ZNF462: variants seen among roughly 807,000 people sequenced by gnomAD.
The protein encoded by ZNF462 is zinc finger protein 462, also known as zinc finger PBX1-interacting protein.
A neutral mutation model predicts 201.9 loss-of-function variants in ZNF462; 10 were observed. The observed-to-expected ratio is 0.05, with a 90% CI of 0.03 to 0.08. The LOEUF (loss-of-function observed/expected upper bound fraction) is 0.08, where lower values mean the gene tolerates loss of function less well. Ranked by LOEUF, ZNF462 falls within the 10% of genes least tolerant of loss-of-function variation. The pLI, the probability that ZNF462 is intolerant of heterozygous loss-of-function variation, is 1.00. For synonymous variants in ZNF462, 1,227 were observed against 1,193.3 expected (o/e 1.03, Z -0.58); for missense variants, 2,523 against 3,168.3 (o/e 0.80, Z 4.89).
chr9:107,000,272 G>A (rs1454437592), intron 10 of ZNF462, among the ~76,000 whole-genome samples: 1 of 151,840 alleles, frequency 6.6e-6, no homozygotes, highest in Non-Finnish European at 1.5e-5. Flanking sequence ...CCATGTAAAC[G>A]ACAGTTAAGA....
chr9:106,952,279 T>C (rs975272164), intron 7 of ZNF462, among the ~76,000 whole-genome samples: 2 of 152,210 alleles, frequency 1.3e-5, no homozygotes, highest in African/African-American at 4.8e-5. Flanking sequence ...ATGCCGACTT[T>C]ATGGGGTTAT....
At chr9:106,889,878 A>T (rs536250578) in intron 1 of ZNF462, among the ~76,000 whole-genome samples, 1 of 152,198 alleles carries the variant, frequency 6.6e-6, no homozygotes, top group South Asian at 2.1e-4. Context: ...AACTCCCCCA[A>T]ATAAAGCTAT....
At position 106,926,218 on chromosome 9, in the gene ZNF462, A is replaced by C. The variant is rs768685188; in HGVS notation, c.2306A>C (p.Gln769Pro). The part of the protein sequence containing the change: ...QIWVRDTSEP[Q>P]KEPNFRNITH... ...TGGGTAAGAGATACCAGTGAGCCCC[A>C]GAAAGAGCCCAACTTCAGAAACATC... The change falls in exon 3 of 13, where the codon CAG becomes CCG. Residue 769 changes from glutamine (Q) to proline (P), a missense_variant. By Grantham distance (76) the Gln-to-Pro change is moderately conservative. Transcript: ENST00000277225. The surrounding 1 kb of genome is among the most constrained non-coding windows in gnomAD (Gnocchi z 7.9). The C allele has an allele frequency of 6.2e-7, 1 of 1,614,208 alleles. No homozygotes were observed. Among genetic ancestry groups the C allele is most frequent in the Non-Finnish European group, 8.5e-7 (1 of 1,180,034 alleles).
chr9:106,879,341 C>G (rs1232382872), intron 1 of ZNF462, among the ~76,000 whole-genome samples: 2 of 114,102 alleles, frequency 1.8e-5, no homozygotes, highest in African/African-American at 3.3e-5. Flanking sequence ...CACCCCCCCC[C>G]CCACCCCCCA....
Position 106,927,674 on chromosome 9 carries a change from T to C in ZNF462, c.3762T>C (p.Asn1254=). The C allele has an allele frequency of 6.2e-7, 1 of 1,613,938 alleles. No individual in the cohort carries two copies. Among genetic ancestry groups the C allele is most frequent in the African/African-American group, 1.3e-5 (1 of 74,966 alleles). Residue 1254 remains asparagine, a synonymous_variant, in exon 3 of 13, where the codon AAT becomes AAC. Transcript: ENST00000277225. ...PASCVLVSPS[N]LERDKTKLRA... is the part of the protein sequence containing the mutation. ...GCTGCGTGCTTGTCTCCCCCTCTAA[T>C]CTGGAGCGGGACAAAACGAAACTCC... is the stretch of plus-strand genomic sequence containing the variant.
intron 10 of ZNF462, among the ~76,000 whole-genome samples, chr9:106,999,953 T>C (rs541786962): frequency 6.6e-6 from 1 of 152,134 alleles, no homozygotes; most frequent in South Asian, 2.1e-4. Context: ...GGGCAGGCCA[T>C]AAACAATTCA....
rs113523115 is a variant in ZNF462, at chr9:106,926,400, A to T, written c.2488A>T (p.Asn830Tyr). 1.9e-6 allele frequency: 3 copies of T among 1,614,216 alleles called. No homozygotes were observed. Among genetic ancestry groups the T allele is most frequent in the Non-Finnish European group, 2.5e-6 (3 of 1,180,038 alleles). The change falls in exon 3 of 13, where the codon AAT (asparagine) becomes TAT (tyrosine). Residue 830 changes from asparagine (N) to tyrosine (Y), a missense_variant. Coordinates refer to ENST00000277225, the MANE Select transcript of ZNF462 (RefSeq NM_021224.6). This position sits in a 1 kb window ranked among gnomAD's most constrained non-coding sequence, Gnocchi z 7.9. ...AACTCCCATCTATGGGACTGAGCAC[A>T]ATAGTGAAAACACAGACTTTGGTGA... ...TQTPIYGTEH[N>Y]SENTDFGDSG...
At chr9:106,940,796 G>A (rs1830837031) in intron 7 of ZNF462, among the ~76,000 whole-genome samples, 1 of 151,932 alleles carries the variant, frequency 6.6e-6, no homozygotes, top group African/African-American at 2.4e-5. Flanking sequence ...ACACATCTAG[G>A]GCTGGGTGAG....
rs1247618500 is a variant in ZNF462 at position 106,886,410 on chromosome 9, C to T, written c.-31+23055C>T. ...TATCCAACTCTCAGGATTCAAGCCACTGCATGTTGGCAATGTAGTAGATCC... is the reference window on the plus strand; with the variant it reads ...TATCCAACTCTCAGGATTCAAGCCATTGCATGTTGGCAATGTAGTAGATCC... On this transcript the variant is annotated intron_variant, in intron 1 of 12. Transcript: ENST00000277225. This position sits in a 1 kb window ranked among gnomAD's most constrained non-coding sequence, Gnocchi z 4.6. Among the ~76,000 whole-genome samples, 1 of 152,202 alleles carries T rather than the reference C, an allele frequency of 6.6e-6. No homozygotes were observed. Among genetic ancestry groups the T allele is most frequent in the Non-Finnish European group, 1.5e-5 (1 of 68,048 alleles).
rs1257992848 is a variant in ZNF462 at position 106,950,870 on chromosome 9, G to C, written c.6427+11763G>C. Among the ~76,000 whole-genome samples, 3 of 152,056 alleles carry C rather than the reference G, an allele frequency of 2.0e-5. No individual in the cohort carries two copies. The highest frequency in any genetic ancestry group is 4.4e-5 in the Non-Finnish European group (3 of 68,000). On this transcript the variant is annotated intron_variant, in intron 7 of 12. Transcript: ENST00000277225. The surrounding 1 kb of genome is among the most constrained non-coding windows in gnomAD (Gnocchi z 4.1). ...TTTGGGAGGCCAAGGCAGGCGGATT[G>C]CCTGAAGTCAGGAGTTCAAGACCAG...
At chr9:106,864,576 G>A (rs1827246850) in intron 1 of ZNF462, among the ~76,000 whole-genome samples, 1 of 152,126 alleles carries the variant, frequency 6.6e-6, no homozygotes, top group Non-Finnish European at 1.5e-5. Context: ...CATTCTCCAG[G>A]CTGTTCACCA....
intron 10 of ZNF462, among the ~76,000 whole-genome samples, chr9:106,995,107 G>A (rs1588178826): frequency 6.6e-6 from 1 of 152,092 alleles, no homozygotes; most frequent in Non-Finnish European, 1.5e-5. Flanking sequence ...TGCTTAACTG[G>A]CCAGCCACAA....
chr9:106,909,036 C>T (rs1398974356), intron 1 of ZNF462, among the ~76,000 whole-genome samples: 1 of 135,968 alleles, frequency 7.4e-6, no homozygotes, highest in African/African-American at 2.8e-5. Flanking sequence ...GATCTCGGCT[C>T]ACTGCAACCT....
intron 7 of ZNF462, among the ~76,000 whole-genome samples, chr9:106,958,151 G>A (rs1411663676): frequency 6.6e-6 from 1 of 152,080 alleles, no homozygotes; most frequent in East Asian, 1.9e-4. Context: ...TAGGGAATGT[G>A]CTGCCAGTTG....
At position 107,003,410 on chromosome 9, in the gene ZNF462, C is replaced by G; in HGVS notation, c.7173C>G (p.Ser2391Arg). Residue 2391 changes from serine to arginine, a missense_variant, in exon 11 of 13, where the codon AGC (serine) becomes AGG (arginine). This residue lies in a region of ZNF462 where 228 missense variants were observed against 361.2 expected (regional missense o/e 0.63). Coordinates refer to ENST00000277225, the MANE Select transcript of ZNF462 (RefSeq NM_021224.6). The surrounding 1 kb of genome is among the most constrained non-coding windows in gnomAD (Gnocchi z 4.4). Reference sequence around the variant, plus strand: ...AGGACAAGGAAGAAGAAATGAACAGCAAGGCTGAAGACAGAGGTTAGTCTC... The same window carrying G: ...AGGACAAGGAAGAAGAAATGAACAGGAAGGCTGAAGACAGAGGTTAGTCTC... ...DDEDKEEEMNSKAEDRELMRF... is the reference protein window; with the variant it reads ...DDEDKEEEMNRKAEDRELMRF... The G allele has an allele frequency of 6.2e-7, 1 of 1,613,624 alleles. No homozygotes were observed. The highest frequency in any genetic ancestry group is 8.5e-7 in the Non-Finnish European group (1 of 1,179,756).
Position 106,895,063 on chromosome 9 carries a change from T to C in ZNF462, c.-30-28291T>C, listed in dbSNP as rs1167317194. On this transcript the variant is annotated intron_variant, in intron 1 of 12. Transcript: ENST00000277225. The surrounding 1 kb of genome is among the most constrained non-coding windows in gnomAD (Gnocchi z 4.4). The stretch of plus-strand genomic sequence containing the variant: ...GAAATTTATGGGAATACCATTAGCA[T>C]AGGTTGATGCACTGCTTCTGAGTAC... 1.3e-5 allele frequency among the ~76,000 whole-genome samples: 2 copies of C among 152,198 alleles called. No individual in the cohort carries two copies. Among genetic ancestry groups the C allele is most frequent in the Non-Finnish European group, 2.9e-5 (2 of 68,040 alleles).
rs369403241 is a variant in ZNF462 at position 106,905,733 on chromosome 9, A to C, written c.-30-17621A>C. Among the ~76,000 whole-genome samples, 1 of 151,624 alleles carries C rather than the reference A, an allele frequency of 6.6e-6. No individual in the cohort carries two copies. The highest frequency in any genetic ancestry group is 2.4e-5 in the African/African-American group (1 of 41,234). The stretch of plus-strand genomic sequence containing the variant: ...CCAGCAGTCATGAAGGGCTGGTCTC[A>C]CTCTCACCGTGACCCCCGCAACAGC... On this transcript the variant is annotated intron_variant, in intron 1 of 12. Coordinates refer to ENST00000277225, the MANE Select transcript of ZNF462 (RefSeq NM_021224.6). The surrounding 1 kb of genome is among the most constrained non-coding windows in gnomAD (Gnocchi z 5.9).
At position 106,928,104 on chromosome 9, in the gene ZNF462, G is replaced by A. The variant is rs1389400381; in HGVS notation, c.4192G>A (p.Gly1398Ser). ...AGCATTCCACCCCTGGGCCATGAATGGTGATGAGTCAGTGCTACTGGACAT... is the reference window on the plus strand; with the variant it reads ...AGCATTCCACCCCTGGGCCATGAATAGTGATGAGTCAGTGCTACTGGACAT... ...YQAFHPWAMN[G>S]DESVLLDIIK... The change falls in exon 3 of 13, where the codon GGT becomes AGT. Residue 1398 changes from glycine (G) to serine (S), a missense_variant. By Grantham distance (56) the Gly-to-Ser change is moderately conservative. Transcript: ENST00000277225. The surrounding 1 kb of genome is among the most constrained non-coding windows in gnomAD (Gnocchi z 9.3). 1.9e-6 allele frequency: 3 copies of A among 1,614,192 alleles called. No individual in the cohort carries two copies. The Admixed American group carries it at 5.0e-5, about 27-fold the overall frequency.
In ZNF462 at chr9:106,930,854, TCCTCA is replaced by T; in HGVS notation, c.6012+166_6012+170del. 1 of 771,466 alleles carries T rather than the reference TCCTCA, an allele frequency of 1.3e-6. No individual in the cohort carries two copies. The highest frequency in any genetic ancestry group is 2.0e-6 in the Non-Finnish European group (1 of 500,210). The allele number at this position is 771,466 out of a possible 1,614,324, so 47.8% of individuals were successfully genotyped here. ...TTTGATTTCTTTGCAGGTTGGACCT[TCCTCA>T]TCTTTCTGTTCAGGGAAAGGTCGAG... On this transcript the variant is annotated intron_variant, in intron 4 of 12. Coordinates refer to ENST00000277225, the MANE Select transcript of ZNF462 (RefSeq NM_021224.6). This position sits in a 1 kb window ranked among gnomAD's most constrained non-coding sequence, Gnocchi z 5.8.
Sources: allele counts gnomAD v4.1 joint callset (sites outside exome capture counted in the v4.1 genomes callset), GRCh38; gene constraint gnomAD v4.1.1; regional missense constraint gnomAD v4.1.1; non-coding constraint Gnocchi (gnomAD v3.1); transcripts MANE v1.5; gene names NCBI Gene and HGNC (gene_info 2026-07-23, HGNC 2026-07-21).